Variants in ASCC3 observed in about 807,000 individuals in gnomAD.
ASCC3 encodes the protein activating signal cointegrator 1 complex subunit 3.
Under a neutral mutation model 256.3 loss-of-function variants are expected in ASCC3, and 158 were observed. That is an observed-to-expected ratio of 0.62 (90% CI 0.54 to 0.70). The LOEUF (loss-of-function observed/expected upper bound fraction) is 0.70. ASCC3 is among the 30% of genes least tolerant of loss of function. ASCC3 has a pLI of 0.00. For synonymous variants in ASCC3, 948 were observed against 883.4 expected (o/e 1.07, Z -1.30); for missense variants, 2,259 against 2,626.0 (o/e 0.86, Z 3.05).
At chr6:100,717,933 G>A in intron 12 of ASCC3, 142 bp downstream of exon 12, 1 of 685,550 alleles carries the variant, frequency 1.5e-6, no homozygotes, top group Non-Finnish European at 2.5e-6. Flanking sequence ...CATCTGTAAT[G>A]TGATTCAATG....
chr6:100,633,198 G>T lies in ASCC3; in HGVS notation c.4123-1985C>A, dbSNP rs572916845. On this transcript the variant is annotated intron_variant, in intron 25 of 41. Coordinates refer to ENST00000369162, the MANE Select transcript of ASCC3 (RefSeq NM_006828.4). ...AGCTTTAAATTATGTACCCTTCTAA[G>T]TAGCATGATGGAATCTCACACTGTC... Among the ~76,000 whole-genome samples the T allele has an allele frequency of 3.3e-5, 5 of 152,180 alleles. No individual in the cohort carries two copies. The South Asian group carries it at 1.0e-3, about 32-fold the overall frequency.
chr6:100,713,832 T>C (rs1356899409), intron 13 of ASCC3, among the ~76,000 whole-genome samples: 1 of 152,212 alleles, frequency 6.6e-6, no homozygotes, highest in Non-Finnish European at 1.5e-5. Flanking sequence ...GCTAACAATA[T>C]AGTTTATATA....
At chr6:100,653,408 G>A (rs1775764679) in intron 17 of ASCC3, among the ~76,000 whole-genome samples, 1 of 152,082 alleles carries the variant, frequency 6.6e-6, no homozygotes, top group Non-Finnish European at 1.5e-5. Context: ...GGGAGGCCAA[G>A]GTGGGCGGCT....
chr6:100,517,574 T>C (rs554760232), intron 38 of ASCC3, among the ~76,000 whole-genome samples: 2 of 152,298 alleles, frequency 1.3e-5, no homozygotes, highest in South Asian at 2.1e-4. Context: ...TTGGGACATT[T>C]TGCAGATGCA....
intron 36 of ASCC3, among the ~76,000 whole-genome samples, chr6:100,552,566 A>G (rs1168890237): frequency 6.6e-6 from 1 of 152,034 alleles, no homozygotes; most frequent in Non-Finnish European, 1.5e-5. Context: ...TTAGTCTCCA[A>G]TCTCCAATTA....
chr6:100,532,378 G>GTATATATA (rs1219461410), intron 37 of ASCC3, among the ~76,000 whole-genome samples: 1 of 69,084 alleles, frequency 1.4e-5, no homozygotes, highest in Non-Finnish European at 2.8e-5. Flanking sequence ...GTGTATGTGT[G>GTATATATA]TATATATATA....
At chr6:100,576,060 C>T (rs553987413) in intron 36 of ASCC3, among the ~76,000 whole-genome samples, 1 of 152,112 alleles carries the variant, frequency 6.6e-6, no homozygotes, top group East Asian at 1.9e-4. Flanking sequence ...TTACTCCATG[C>T]CACGTAATCC....
chr6:100,694,720 T>C (rs1479442214), intron 13 of ASCC3, among the ~76,000 whole-genome samples: 1 of 152,098 alleles, frequency 6.6e-6, no homozygotes, highest in Admixed American at 6.6e-5. Context: ...GTAAATTGTA[T>C]AGTGATAGAT....
At chr6:100,586,977 T>G (rs973212374) in intron 36 of ASCC3, among the ~76,000 whole-genome samples, 5 of 152,138 alleles carry the variant, frequency 3.3e-5, no homozygotes, top group Non-Finnish European at 7.4e-5. Flanking sequence ...AAAAATGACT[T>G]TAGAAACATC....
chr6:100,806,567 T>G (rs1770193281), intron 4 of ASCC3, among the ~76,000 whole-genome samples: 1 of 151,912 alleles, frequency 6.6e-6, no homozygotes, highest in Non-Finnish European at 1.5e-5. Flanking sequence ...GAGTATGATC[T>G]GGGAAGATAC....
intron 5 of ASCC3, among the ~76,000 whole-genome samples, chr6:100,802,806 C>G (rs1013510323): frequency 5.3e-5 from 8 of 151,506 alleles, no homozygotes; most frequent in Admixed American, 3.3e-4. Flanking sequence ...TCAAGACTAC[C>G]CTGGGCAACA....
At chr6:100,862,761 C>T (rs1466938664) in intron 3 of ASCC3, among the ~76,000 whole-genome samples, 6 of 151,972 alleles carry the variant, frequency 3.9e-5, no homozygotes. Context: ...AAATGTCAGA[C>T]AATAATACAT....
At chr6:100,816,964 G>C (rs1326311631) in intron 4 of ASCC3, among the ~76,000 whole-genome samples, 2 of 151,586 alleles carry the variant, frequency 1.3e-5, no homozygotes, top group African/African-American at 4.8e-5. Context: ...ATATAGGATT[G>C]AGCAACGCTA....
At chr6:100,706,445 A>C (rs1296623146) in intron 13 of ASCC3, among the ~76,000 whole-genome samples, 2 of 151,530 alleles carry the variant, frequency 1.3e-5, no homozygotes, top group Non-Finnish European at 2.9e-5. Flanking sequence ...AAAGAAAAAA[A>C]TAATCCTTTA....
chr6:100,805,618 T>C, intron 5 of ASCC3, 142 bp downstream of exon 5: 1 of 1,036,384 alleles, frequency 9.6e-7, no homozygotes, highest in Non-Finnish European at 1.4e-6. Flanking sequence ...TAATATGCCA[T>C]ATCTAAAATC....
Position 100,631,213 on chromosome 6 carries a change from C to G in ASCC3, c.4123G>C (p.Ala1375Pro). 1 of 1,609,098 alleles carries G rather than the reference C, an allele frequency of 6.2e-7. No individual in the cohort carries two copies. The highest frequency in any genetic ancestry group is 8.5e-7 in the Non-Finnish European group (1 of 1,176,332). Residue 1375 changes from alanine to proline, a missense_variant and splice_region_variant, in exon 26 of 42, where the codon GCG becomes CCG. Physicochemically the swap from Ala to Pro is conservative, Grantham distance 27. This residue lies in a region of ASCC3 where 1,839 missense variants were observed against 2,206.7 expected (regional missense o/e 0.83). Transcript: ENST00000369162. ...GCTTTTAGGGGTGCAATATATACCGCCTAAAAAGGGGAGAATAGCCAAAAA... is the reference window on the plus strand; with the variant it reads ...GCTTTTAGGGGTGCAATATATACCGGCTAAAAAGGGGAGAATAGCCAAAAA... ...RVFNKYPTSK[A>P]VYIAPLKALV...
At chr6:100,802,148 C>A (rs1027251667) in intron 5 of ASCC3, among the ~76,000 whole-genome samples, 2 of 151,582 alleles carry the variant, frequency 1.3e-5, no homozygotes, top group African/African-American at 2.4e-5. Flanking sequence ...CAGGCAATTT[C>A]AAAAAATCAA....
chr6:100,814,688 G>A (rs2114398400), intron 4 of ASCC3, among the ~76,000 whole-genome samples: 1 of 152,184 alleles, frequency 6.6e-6, no homozygotes, highest in South Asian at 2.1e-4. Flanking sequence ...ATGTGTCCAG[G>A]AATTTATCCT....
At chr6:100,586,876 A>G (rs1562142146) in intron 36 of ASCC3, among the ~76,000 whole-genome samples, 1 of 152,212 alleles carries the variant, frequency 6.6e-6, no homozygotes, top group East Asian at 1.9e-4. Flanking sequence ...TTAAGGAAAT[A>G]TTATGGTAAG....
Sources: gnomAD v4.1 joint callset for allele counts (sites outside exome capture counted in the v4.1 genomes callset) on GRCh38, gnomAD v4.1.1 for gene constraint, gnomAD v4.1.1 regional missense constraint, MANE v1.5 for transcripts, NCBI Gene and HGNC (gene_info 2026-07-23, HGNC 2026-07-21) for gene names.